MACROD2: variants seen among roughly 807,000 people sequenced by gnomAD.
The protein encoded by MACROD2 is ADP-ribose glycohydrolase MACROD2.
A neutral mutation model predicts 70.4 loss-of-function variants in MACROD2; 36 were observed. The observed-to-expected ratio is 0.51, with a 90% CI of 0.39 to 0.68. The LOEUF (loss-of-function observed/expected upper bound fraction) is 0.68. Among genes scored for constraint, MACROD2 ranks in the 30% least tolerant of loss-of-function variants. MACROD2 has a pLI of 0.00. For synonymous variants in MACROD2, 172 were observed against 178.8 expected (o/e 0.96, Z 0.30); for missense variants, 496 against 538.4 (o/e 0.92, Z 0.78).
chr20:16,021,699 G>A (rs1006211012), intron 15 of MACROD2, among the ~76,000 whole-genome samples: 1 of 152,138 alleles, frequency 6.6e-6, no homozygotes, highest in East Asian at 1.9e-4. Flanking sequence ...TGGGTTTTCT[G>A]ACTTTTACCT....
intron 3 of MACROD2, among the ~76,000 whole-genome samples, chr20:14,425,945 A>T (rs998794756): frequency 2.0e-5 from 3 of 152,172 alleles, no homozygotes; most frequent in African/African-American, 7.2e-5. Flanking sequence ...TGACTACCGA[A>T]TTCTAGATTG....
chr20:14,779,031 A>G (rs1044262603), intron 5 of MACROD2, among the ~76,000 whole-genome samples: 37 of 152,256 alleles, frequency 2.4e-4, no homozygotes, highest in African/African-American at 6.0e-4. Flanking sequence ...AAATGAAGCT[A>G]GCTGGTTTAA....
At chr20:15,994,234 A>G (rs151048493) in intron 15 of MACROD2, among the ~76,000 whole-genome samples, 2 of 152,172 alleles carry the variant, frequency 1.3e-5, no homozygotes, top group African/African-American at 2.4e-5. Context: ...CTGCTATTCT[A>G]CATTTTATAT....
In MACROD2 at chr20:15,998,270, A is replaced by G. The variant is rs1344032618; in HGVS notation, c.1153+11112A>G. Reference sequence around the variant, plus strand: ...TAAAATTGGCATTAATTCTTCTTTAAATGTTTGGTAGAATTCACCAATGAA... The same window carrying G: ...TAAAATTGGCATTAATTCTTCTTTAGATGTTTGGTAGAATTCACCAATGAA... On this transcript the variant is annotated intron_variant, in intron 15 of 17. Coordinates refer to ENST00000684519, the MANE Select transcript of MACROD2 (RefSeq NM_001351661.2). Among the ~76,000 whole-genome samples the G allele has an allele frequency of 2.6e-5, 4 of 152,290 alleles. No homozygotes were observed. In the East Asian group the frequency reaches 7.7e-4, roughly 29 times the overall value.
chr20:15,906,422 A>G (rs1310433036), intron 10 of MACROD2, among the ~76,000 whole-genome samples: 1 of 152,222 alleles, frequency 6.6e-6, no homozygotes, highest in Non-Finnish European at 1.5e-5. Flanking sequence ...TAAGTTGCCA[A>G]TCTACTGTTT....
intron 6 of MACROD2, among the ~76,000 whole-genome samples, chr20:15,397,577 G>A (rs758941984): frequency 3.3e-5 from 5 of 152,188 alleles, no homozygotes; most frequent in Admixed American, 1.3e-4. Context: ...GATTACAGGT[G>A]TGAGCCACTG....
intron 3 of MACROD2, among the ~76,000 whole-genome samples, chr20:14,182,532 A>T (rs2081312826): frequency 6.6e-6 from 1 of 152,134 alleles, no homozygotes; most frequent in African/African-American, 2.4e-5. Context: ...CCTTTGTTGT[A>T]TATAAGAAAC....
At chr20:14,424,829 A>G (rs1362565463) in intron 3 of MACROD2, among the ~76,000 whole-genome samples, 15 of 152,238 alleles carry the variant, frequency 9.9e-5, no homozygotes, top group Admixed American at 9.8e-4. Context: ...AATTTGAATC[A>G]TGTAAATCTA....
chr20:15,386,250 A>G (rs2045711391), intron 6 of MACROD2, among the ~76,000 whole-genome samples: 1 of 152,230 alleles, frequency 6.6e-6, no homozygotes, highest in Admixed American at 6.5e-5. Context: ...GCTATGTTAT[A>G]TCTGCAAGAT....
intron 5 of MACROD2, among the ~76,000 whole-genome samples, chr20:15,130,748 T>C (rs1193855438): frequency 6.6e-6 from 1 of 151,772 alleles, no homozygotes; most frequent in East Asian, 1.9e-4. Context: ...TCCCTGGGAG[T>C]TGACTTCAAC....
At chr20:15,426,818 A>G (rs1156259751) in intron 6 of MACROD2, among the ~76,000 whole-genome samples, 1 of 152,270 alleles carries the variant, frequency 6.6e-6, no homozygotes, top group East Asian at 1.9e-4. Context: ...ACAATTTATC[A>G]TTCCTCCATG....
intron 5 of MACROD2, among the ~76,000 whole-genome samples, chr20:15,053,473 T>C (rs1404734336): frequency 6.6e-6 from 1 of 152,140 alleles, no homozygotes; most frequent in Non-Finnish European, 1.5e-5. Context: ...TCCTGCACTC[T>C]ATAAAAGGAA....
chr20:14,896,463 C>A (rs192234750), intron 5 of MACROD2, among the ~76,000 whole-genome samples: 1 of 151,998 alleles, frequency 6.6e-6, no homozygotes, highest in Admixed American at 6.6e-5. Flanking sequence ...TGTTTAACAG[C>A]GTAGTTACAG....
intron 5 of MACROD2, among the ~76,000 whole-genome samples, chr20:15,112,245 A>G (rs1208250015): frequency 6.6e-6 from 1 of 152,202 alleles, no homozygotes; most frequent in Non-Finnish European, 1.5e-5. Context: ...AGGGTTCAGA[A>G]GTATAAAAGG....
intron 5 of MACROD2, among the ~76,000 whole-genome samples, chr20:14,747,152 C>T (rs1189677020): frequency 6.6e-6 from 1 of 152,096 alleles, no homozygotes; most frequent in East Asian, 1.9e-4. Context: ...AGCTGGGAGT[C>T]CCAGAGCTCA....
intron 6 of MACROD2, among the ~76,000 whole-genome samples, chr20:15,309,889 G>C (rs1474658231): frequency 6.6e-6 from 1 of 152,146 alleles, no homozygotes; most frequent in Non-Finnish European, 1.5e-5. Flanking sequence ...GTACTTAGAG[G>C]TATATAAAAG....
At chr20:15,971,324 T>A (rs1345335117) in intron 13 of MACROD2, among the ~76,000 whole-genome samples, 1 of 152,114 alleles carries the variant, frequency 6.6e-6, no homozygotes, top group African/African-American at 2.4e-5. Flanking sequence ...AGGGACCCTG[T>A]AGGAGGTAAT....
intron 8 of MACROD2, among the ~76,000 whole-genome samples, chr20:15,725,743 T>G (rs1419138684): frequency 1.3e-5 from 2 of 151,960 alleles, no homozygotes; most frequent in Admixed American, 6.6e-5. Flanking sequence ...CAACATTTAT[T>G]TTAGTTTAGA....
intron 5 of MACROD2, among the ~76,000 whole-genome samples, chr20:14,829,158 C>T (rs796523596): frequency 4.9e-4 from 65 of 132,510 alleles, no homozygotes; most frequent in African/African-American, 1.5e-3. Flanking sequence ...GAGACAGAGT[C>T]TCACTCTGTC....
Sources: gnomAD v4.1 joint callset for allele counts (sites outside exome capture counted in the v4.1 genomes callset) on GRCh38, gnomAD v4.1.1 for gene constraint, MANE v1.5 for transcripts, NCBI Gene and HGNC (gene_info 2026-07-23, HGNC 2026-07-21) for gene names.